Variants in HPS4 observed in about 807,000 individuals in gnomAD.
HPS4 encodes the protein BLOC-3 complex member HPS4.
In HPS4, 44 loss-of-function variants were observed where a neutral mutation model predicts 70.3. The ratio of observed to expected loss-of-function variants is 0.63; its 90% CI spans 0.49 to 0.80. The LOEUF (loss-of-function observed/expected upper bound fraction) is 0.80. HPS4 is among the 30% of genes least tolerant of loss of function. HPS4 has a pLI of 0.00. For synonymous variants in HPS4, 377 were observed against 355.9 expected (o/e 1.06, Z -0.67); for missense variants, 873 against 884.4 (o/e 0.99, Z 0.16).
In HPS4 at chr22:26,466,253, T is replaced by C. The variant is rs781705717; in HGVS notation, c.679A>G (p.Thr227Ala). 4 of 1,614,128 alleles carry C rather than the reference T, an allele frequency of 2.5e-6. No homozygotes were observed. Among genetic ancestry groups the C allele is most frequent in the African/African-American group, 2.7e-5 (2 of 75,048 alleles). ...TGTTCCTGCGGGGCATCCTCTCCCG[T>C]AGGGAGTCTCTGAAAACAAACACAC... ...RTAPQEQRLP[T>A]GEDAPQEHGA... Residue 227 changes from threonine to alanine, a missense_variant, in exon 9 of 14, where the codon ACG (threonine) becomes GCG (alanine). Physicochemically the swap from Thr to Ala is moderately conservative, Grantham distance 58. Transcript: ENST00000398145.
At chr22:26,447,907 A>G (rs1293192559), downstream of HPS4, among the ~76,000 whole-genome samples, 1 of 152,152 alleles carries the variant, frequency 6.6e-6, no homozygotes, top group East Asian at 1.9e-4. Context: ...GTTCGAGGTG[A>G]GGGCACCTGC....
intron 6 of HPS4, among the ~76,000 whole-genome samples, chr22:26,471,631 C>T (rs1417574863): frequency 1.3e-5 from 2 of 152,250 alleles, no homozygotes; most frequent in African/African-American, 4.8e-5. Flanking sequence ...GTTTTCCAGA[C>T]TGGAGCAGGG....
intron 3 of HPS4, among the ~76,000 whole-genome samples, chr22:26,477,589 A>C (rs894307174): frequency 6.6e-6 from 1 of 152,146 alleles, no homozygotes; most frequent in East Asian, 1.9e-4. Flanking sequence ...CACAGGAGGG[A>C]ATGTACAGAA....
downstream of HPS4, among the ~76,000 whole-genome samples, chr22:26,447,429 T>G (rs1395909582): frequency 1.3e-5 from 2 of 152,176 alleles, no homozygotes; most frequent in Non-Finnish European, 2.9e-5. Flanking sequence ...AAGCCAAGTT[T>G]GAGTTGTGGT....
rs1320168710 is a variant in HPS4 at position 26,457,966 on chromosome 22, T to C, written c.1848A>G (p.Ala616=). The C allele has an allele frequency of 1.9e-6, 3 of 1,612,500 alleles. No individual in the cohort carries two copies. Among genetic ancestry groups the C allele is most frequent in the Admixed American group, 1.7e-5 (1 of 60,002 alleles). The part of the protein sequence containing the change: ...HYDRIQSLLM[A]NLPQVATPQD... ...GCGGGGTGGCCACCTGCGGCAGGTT[T>C]GCTTCCAGAAGAGGACACAGAGTTG... The change falls in exon 13 of 14, where the codon GCA becomes GCG. Residue 616 remains alanine, a splice_region_variant and synonymous_variant. Transcript: ENST00000398145.
Position 26,464,547 on chromosome 22 carries a change from G to A in HPS4, c.1083C>T (p.Val361=), listed in dbSNP as rs532646940. ...GLSSSLGKEL[V]FLQEELDLSE... ...ACAAGTCGAGTTCTTCTTGGAGAAA[G>A]ACTAGTTCCTTCCCCAGGGAGGAGC... Residue 361 remains valine (V), a synonymous_variant, in exon 11 of 14, where the codon GTC becomes GTT. Transcript: ENST00000398145. 2 of 1,614,084 alleles carry A rather than the reference G, an allele frequency of 1.2e-6. No homozygotes were observed. Among genetic ancestry groups the A allele is most frequent in the East Asian group, 2.2e-5 (1 of 44,886 alleles).
intron 11 of HPS4, among the ~76,000 whole-genome samples, 169 bp downstream of exon 11, chr22:26,463,748 C>A (rs1380139968): frequency 2.0e-5 from 3 of 152,256 alleles, no homozygotes; most frequent in South Asian, 4.1e-4. Context: ...CAAAAACCCA[C>A]AGAGGCAGGT....
intron 9 of HPS4, chr22:26,465,820 G>A (rs1244450124): frequency 7.2e-6 from 4 of 556,114 alleles, no homozygotes; most frequent in South Asian, 4.1e-5. Context: ...TTTACAAGAA[G>A]AAGATATAAG....
chr22:26,458,979 T>A (rs1274175053), intron 11 of HPS4, among the ~76,000 whole-genome samples: 1 of 152,076 alleles, frequency 6.6e-6, no homozygotes, highest in African/African-American at 2.4e-5. Context: ...AGCAAAAAAA[T>A]AACAAGAAAA....
Position 26,479,298 on chromosome 22 carries a change from T to C in HPS4, c.99A>G (p.Thr33=), listed in dbSNP as rs759982764. The C allele has an allele frequency of 1.2e-6, 2 of 1,614,088 alleles. No individual in the cohort carries two copies. The highest frequency in any genetic ancestry group is 1.3e-5 in the African/African-American group (1 of 74,938). Reference sequence around the variant, plus strand: ...GATAAAAGTAACAAATGCCAGCTCTTGTTGGATCGCCTTCTTCCTTTACCT... The same window carrying C: ...GATAAAAGTAACAAATGCCAGCTCTCGTTGGATCGCCTTCTTCCTTTACCT... ...GSKVKEEGDP[T]RAGICYFYPS... The change falls in exon 3 of 14, where the codon ACA becomes ACG. Residue 33 remains threonine, a synonymous_variant. Coordinates refer to ENST00000398145, the MANE Select transcript of HPS4 (RefSeq NM_022081.6).
At chr22:26,456,793 G>C (rs1165088184) in intron 13 of HPS4, among the ~76,000 whole-genome samples, 1 of 152,142 alleles carries the variant, frequency 6.6e-6, no homozygotes, top group Non-Finnish European at 1.5e-5. Context: ...CAAATTCTCA[G>C]GTCCCAGTCT....
At chr22:26,459,776 G>A (rs1489710991) in intron 11 of HPS4, among the ~76,000 whole-genome samples, 2 of 152,210 alleles carry the variant, frequency 1.3e-5, no homozygotes, top group Non-Finnish European at 2.9e-5. Flanking sequence ...TGACTTAAAT[G>A]AAATGACACA....
intron 7 of HPS4, among the ~76,000 whole-genome samples, chr22:26,469,014 G>A (rs1271148575): frequency 1.3e-5 from 2 of 152,162 alleles, no homozygotes; most frequent in African/African-American, 2.4e-5. Context: ...TTCACTGTAT[G>A]CGTTGAGAAA....
Position 26,453,368 on chromosome 22 carries a change from G to A in HPS4, c.1992C>T (p.Pro664=), listed in dbSNP as rs1257278663. The A allele has an allele frequency of 1.3e-5, 21 of 1,614,068 alleles. No homozygotes were observed. In the Admixed American group the frequency reaches 3.5e-4, roughly 27 times the overall value. ...GCTGCTGGAAATATGTCTCCTGGAT[G>A]GGGTTGCAACAGGCGTACACAGCCG... The part of the protein sequence containing the change: ...ASTAVYACCN[P]IQETYFQQLA... Residue 664 remains proline (P), a synonymous_variant, in exon 14 of 14, where the codon CCC becomes CCT. Coordinates refer to ENST00000398145, the MANE Select transcript of HPS4 (RefSeq NM_022081.6).
chr22:26,483,310 A>C (rs2091487920), intron 1 of HPS4, among the ~76,000 whole-genome samples: 1 of 152,238 alleles, frequency 6.6e-6, no homozygotes, highest in African/African-American at 2.4e-5. Context: ...GAAGAGACCA[A>C]TAATGGCCCT....
chr22:26,447,473 CTG>C (rs1158016973), downstream of HPS4, among the ~76,000 whole-genome samples: 2 of 152,132 alleles, frequency 1.3e-5, no homozygotes, highest in African/African-American at 2.4e-5. Flanking sequence ...CTAATCCACT[CTG>C]TGAGTGTCAA....
chr22:26,469,721 A>G (rs1797715850), intron 7 of HPS4, among the ~76,000 whole-genome samples: 1 of 151,306 alleles, frequency 6.6e-6, no homozygotes, highest in African/African-American at 2.4e-5. Flanking sequence ...ATATATATAT[A>G]TACATTTAAG....
chr22:26,479,687 GCTGT>G, intron 2 of HPS4: 5 of 1,146,254 alleles, frequency 4.4e-6, no homozygotes, highest in Non-Finnish European at 5.4e-6. Flanking sequence ...GGTCTGATAC[GCTGT>G]CTTTTAAGGC....
rs1366471629 is a variant in HPS4, at chr22:26,457,947, T to C, written c.1867A>G (p.Thr623Ala). 2 of 1,613,560 alleles carry C rather than the reference T, an allele frequency of 1.2e-6. No individual in the cohort carries two copies. Among genetic ancestry groups the C allele is most frequent in the Non-Finnish European group, 1.7e-6 (2 of 1,179,984 alleles). Residue 623 changes from threonine to alanine, a missense_variant, in exon 13 of 14, where the codon ACC becomes GCC. Coordinates refer to ENST00000398145, the MANE Select transcript of HPS4 (RefSeq NM_022081.6). Reference protein sequence around the residue: ...LLMANLPQVATPQDRRFLQAV... With the variant: ...LLMANLPQVAAPQDRRFLQAV... ...TGGAGGAAGCGGCGATCCTGCGGGGTGGCCACCTGCGGCAGGTTTGCTTCC... is the reference window on the plus strand; with the variant it reads ...TGGAGGAAGCGGCGATCCTGCGGGGCGGCCACCTGCGGCAGGTTTGCTTCC...
Sources: allele counts gnomAD v4.1 joint callset (sites outside exome capture counted in the v4.1 genomes callset), GRCh38; gene constraint gnomAD v4.1.1; transcripts MANE v1.5; gene names NCBI Gene and HGNC (gene_info 2026-07-23, HGNC 2026-07-21).